AKNA: variants seen among roughly 807,000 people sequenced by gnomAD.
AKNA encodes AT-hook transcription factor.
Under a neutral mutation model 138.8 loss-of-function variants are expected in AKNA, and 67 were observed. That is an observed-to-expected ratio of 0.48 (90% CI 0.40 to 0.59). The LOEUF (loss-of-function observed/expected upper bound fraction) is 0.59, where lower values mean the gene tolerates loss of function less well. AKNA is among the 20% of genes least tolerant of loss of function. The probability of loss-of-function intolerance (pLI) is 0.00; values close to 1 mark genes in which losing one functional copy is unlikely to be tolerated. For synonymous variants in AKNA, 737 were observed against 754.4 expected, an observed-to-expected ratio of 0.98 and a Z score of 0.38; for missense variants, 1,813 against 1,880.4, an observed-to-expected ratio of 0.96 and a Z score of 0.66.
chr9:114,395,244 T>A (rs1834496124), upstream of AKNA, among the ~76,000 whole-genome samples: 1 of 152,120 alleles, frequency 6.6e-6, no homozygotes, highest in South Asian at 2.1e-4. Context: ...GGCATGCATG[T>A]GTAAAGTAAC....
intron 6 of AKNA, 23 bp from the exon 7 acceptor site, chr9:114,364,642 A>T: frequency 1.2e-6 from 2 of 1,612,496 alleles, no homozygotes; most frequent in Non-Finnish European, 8.5e-7. Context: ...AGGGGAAGGA[A>T]ATATGCTCCA....
intron 8 of AKNA, 119 bp downstream of exon 8, chr9:114,362,287 A>C: frequency 1.4e-6 from 2 of 1,390,582 alleles, no homozygotes; most frequent in Non-Finnish European, 1.9e-6. Flanking sequence ...AATTAGGATA[A>C]GATTTCTCTC....
chr9:114,367,568 G>A lies in AKNA; in HGVS notation c.1703C>T (p.Ser568Phe), dbSNP rs1372604713. 2 of 1,613,596 alleles carry A rather than the reference G, an allele frequency of 1.2e-6. No homozygotes were observed. The highest frequency in any genetic ancestry group is 1.3e-5 in the African/African-American group (1 of 74,940). ...SSAEQTQALA[S>F]QASQFLAKVE... ...CTTGGCCAGGAACTGGCTGGCCTGAGAAGCCAGTGCCTGGGTCTGCTCTGC... is the reference window on the plus strand; with the variant it reads ...CTTGGCCAGGAACTGGCTGGCCTGAAAAGCCAGTGCCTGGGTCTGCTCTGC... Residue 568 changes from serine (S) to phenylalanine (F), a missense_variant, in exon 6 of 22, where the codon TCT (serine) becomes TTT (phenylalanine). Ser to Phe is a radical substitution (Grantham distance 155, BLOSUM62 -2). Coordinates refer to ENST00000374088, the MANE Select transcript of AKNA (RefSeq NM_001317950.2).
intron 6 of AKNA, among the ~76,000 whole-genome samples, chr9:114,366,807 G>A (rs2636902): frequency 0.033 from 4,984 of 152,132 alleles, 279 homozygotes; most frequent in African/African-American, 0.11. Context: ...TTGTTTTATG[G>A]GCATGGTAGT....
chr9:114,381,470 G>C, intron 1 of AKNA, 24 bp from the exon 2 acceptor site: 1 of 1,412,030 alleles, frequency 7.1e-7, no homozygotes, highest in Non-Finnish European at 9.2e-7. Flanking sequence ...ATTCAAGAGA[G>C]AACATTAATC....
At position 114,345,905 on chromosome 9, in the gene AKNA, C is replaced by A. The variant is rs1169969738; in HGVS notation, c.3619G>T (p.Ala1207Ser). The A allele has an allele frequency of 6.2e-7, 1 of 1,614,044 alleles. No individual in the cohort carries two copies. The highest frequency in any genetic ancestry group is 8.5e-7 in the Non-Finnish European group (1 of 1,179,948). ...ARDGKRGVGSAGWPDRVTFRG... is the reference protein window; with the variant it reads ...ARDGKRGVGSSGWPDRVTFRG... ...AAGGTGACCCTGTCTGGCCATCCAGCACTGCCCACCCCTCTCTTTCCATCC... is the reference window on the plus strand; with the variant it reads ...AAGGTGACCCTGTCTGGCCATCCAGAACTGCCCACCCCTCTCTTTCCATCC... The change falls in exon 18 of 22, where the codon GCT (alanine) becomes TCT (serine). Residue 1207 changes from alanine (A) to serine (S), a missense_variant. Transcript: ENST00000374088.
Position 114,341,579 on chromosome 9 carries a change from C to A in AKNA, c.4021G>T (p.Ala1341Ser), listed in dbSNP as rs201847183. 647 of 1,614,048 alleles carry A rather than the reference C, an allele frequency of 4.0e-4. 1 individual carries two copies. The highest frequency in any genetic ancestry group is 8.3e-4 in the Middle Eastern group (5 of 6,052). Reference sequence around the variant, plus strand: ...ATGATGGGAACCGAGGAGATGTAGGCAAAGGCTGGAGGGGCTGGTGCTGGG... The same window carrying A: ...ATGATGGGAACCGAGGAGATGTAGGAAAAGGCTGGAGGGGCTGGTGCTGGG... ...APPAPAPPAFAYISSVPIMPY... is the reference protein window; with the variant it reads ...APPAPAPPAFSYISSVPIMPY... Residue 1341 changes from alanine (A) to serine (S), a missense_variant, in exon 21 of 22, where the codon GCC (alanine) becomes TCC (serine). Transcript: ENST00000374088.
At chr9:114,387,347 C>T (rs1402968831) in intron 1 of AKNA, among the ~76,000 whole-genome samples, 1 of 152,216 alleles carries the variant, frequency 6.6e-6, no homozygotes, top group Non-Finnish European at 1.5e-5. Flanking sequence ...GGTGCCCTGG[C>T]TGTTGCCAGC....
In AKNA at chr9:114,368,607, G is replaced by A; in HGVS notation, c.1417-12C>T. ...GAGAACAGGTTCACCTGTGGAAGCAGGGAGGCACAGCACAGCCAAGTCAGG... is the reference window on the plus strand; with the variant it reads ...GAGAACAGGTTCACCTGTGGAAGCAAGGAGGCACAGCACAGCCAAGTCAGG... On this transcript the variant is annotated splice_polypyrimidine_tract_variant and intron_variant, in intron 4 of 21. Transcript: ENST00000374088. The A allele has an allele frequency of 1.5e-6, 2 of 1,364,486 alleles. No homozygotes were observed. The highest frequency in any genetic ancestry group is 1.9e-6 in the Non-Finnish European group (2 of 1,050,746). 84.5% of individuals were successfully genotyped at this position (1,364,486 alleles called of 1,614,324 possible).
intron 4 of AKNA, among the ~76,000 whole-genome samples, chr9:114,370,740 A>T (rs1170455857): frequency 6.6e-6 from 1 of 152,218 alleles, no homozygotes; most frequent in Non-Finnish European, 1.5e-5. Flanking sequence ...TTCTCTGCAC[A>T]GATGGATTTC....
chr9:114,333,262 T>TA (rs1829891852), downstream of AKNA: 1 of 1,140,732 alleles, frequency 8.8e-7, no homozygotes. Context: ...GCTAAGCTGT[T>TA]AGTCATTTGT....
rs73548990 is a variant in AKNA, at chr9:114,342,088, G to A, written c.3795C>T (p.Pro1265=). ...ACAGGGGACACTGAAGGGTATCAGC[G>A]GGAGGCGGTCCCAGTGGGTCCCCTG... ...AVTGDPLGPP[P]ADTLQCPLCG... is the part of the protein sequence containing the mutation. Residue 1265 remains proline, a synonymous_variant, in exon 20 of 22, where the codon CCC becomes CCT. Transcript: ENST00000374088. 4.3e-3 allele frequency: 6,985 copies of A among 1,610,570 alleles called. 241 individuals are homozygous for A. The African/African-American group carries it at 0.079, about 18-fold the overall frequency.
Position 114,374,720 on chromosome 9 carries a change from A to G in AKNA, c.1342-553T>C, listed in dbSNP as rs187357339. Reference sequence around the variant, plus strand: ...CCAAAGAACTTTATAAAAACAAGTCATTGCAGGAAAAAAGGAAAAGCATGT... The same window carrying G: ...CCAAAGAACTTTATAAAAACAAGTCGTTGCAGGAAAAAAGGAAAAGCATGT... On this transcript the variant is annotated intron_variant, in intron 3 of 21. Coordinates refer to ENST00000374088, the MANE Select transcript of AKNA (RefSeq NM_001317950.2). Among the ~76,000 whole-genome samples, 602 of 152,356 alleles carry G rather than the reference A, an allele frequency of 4.0e-3. 3 individuals carry two copies. The highest frequency in any genetic ancestry group is 6.0e-3 in the Non-Finnish European group (411 of 68,038).
chr9:114,372,819 G>C (rs1365677561), intron 4 of AKNA, among the ~76,000 whole-genome samples: 1 of 152,138 alleles, frequency 6.6e-6, no homozygotes, highest in Non-Finnish European at 1.5e-5. Flanking sequence ...TCCAACCCTG[G>C]ATCTGGCTCA....
chr9:114,388,870 A>G (rs1834222105), upstream of AKNA, among the ~76,000 whole-genome samples: 1 of 152,138 alleles, frequency 6.6e-6, no homozygotes, highest in South Asian at 2.1e-4. Flanking sequence ...GAACAATGAG[A>G]CTGGGTGACG....
At chr9:114,362,872 T>C (rs1341368371) in intron 7 of AKNA, among the ~76,000 whole-genome samples, 1 of 152,218 alleles carries the variant, frequency 6.6e-6, no homozygotes, top group Non-Finnish European at 1.5e-5. Context: ...CTCTCACTAT[T>C]ATCTCCATAA....
Position 114,336,919 on chromosome 9 carries a change from G to T in AKNA, c.*135C>A, listed in dbSNP as rs1360870009. On this transcript the variant is annotated 3_prime_UTR_variant, in exon 22 of 22. Coordinates refer to ENST00000374088, the MANE Select transcript of AKNA (RefSeq NM_001317950.2). ...GAAAGCACAGGGACTGAGCAGGCGGGACCTGTGCTGGAGGGAGACCCTCCT... is the reference window on the plus strand; with the variant it reads ...GAAAGCACAGGGACTGAGCAGGCGGTACCTGTGCTGGAGGGAGACCCTCCT... The T allele has an allele frequency of 5.1e-6, 6 of 1,165,388 alleles. No homozygotes were observed. Among genetic ancestry groups the T allele is most frequent in the Non-Finnish European group, 6.9e-6 (6 of 874,344 alleles). The allele number at this position is 1,165,388 out of a possible 1,614,324, so 72.2% of individuals were successfully genotyped here. A position where few individuals can be genotyped will look rare whatever the true frequency, so the allele number is the denominator to read the frequency against.
chr9:114,384,337 G>A lies in AKNA; in HGVS notation c.-113-2891C>T, dbSNP rs113450318. The stretch of plus-strand genomic sequence containing the variant: ...TGCAATCCCAGCACTTTGGGAGGCC[G>A]AGGTGGGCAGATCACTTGAGCTCAG... On this transcript the variant is annotated intron_variant, in intron 1 of 21. Transcript: ENST00000374088. Among the ~76,000 whole-genome samples, 8 of 152,334 alleles carry A rather than the reference G, an allele frequency of 5.3e-5. No homozygotes were observed. In the East Asian group the frequency reaches 5.8e-4, roughly 11 times the overall value.
At chr9:114,376,366 C>G in intron 3 of AKNA, 100 bp downstream of exon 3, 1 of 1,313,960 alleles carries the variant, frequency 7.6e-7, no homozygotes, top group Non-Finnish European at 1.1e-6. Flanking sequence ...GCCTCTCCAC[C>G]CCAGCCAGCC....
Sources: gnomAD v4.1 joint callset for allele counts (sites outside exome capture counted in the v4.1 genomes callset) on GRCh38, gnomAD v4.1.1 for gene constraint, MANE v1.5 for transcripts, NCBI Gene and HGNC (gene_info 2026-07-23, HGNC 2026-07-21) for gene names.